Variants in SRPK3 observed in about 807,000 individuals in gnomAD.
The protein encoded by SRPK3 is SRSF protein kinase 3.
Under a neutral mutation model 45.3 loss-of-function variants are expected in SRPK3, and 26 were observed. The observed-to-expected ratio is 0.57, with a 90% CI of 0.42 to 0.80. The LOEUF is 0.80. Among genes scored for constraint, SRPK3 ranks in the 30% least tolerant of loss-of-function variants. The pLI is 0.00. For missense variants in SRPK3, 536 were observed against 514.5 expected (o/e 1.04, Z -0.40); for synonymous variants, 254 against 226.6 (o/e 1.12, Z -1.09).
At position 153,784,090 on chromosome X, in the gene SRPK3, C is replaced by T. The variant is rs781992647; in HGVS notation, c.1024C>T (p.Arg342Cys). 1.5e-5 allele frequency: 18 copies of T among 1,209,420 alleles called. No individual in the cohort carries two copies. The highest frequency in any genetic ancestry group is 1.8e-5 in the South Asian group (1 of 56,856). Residue 342 changes from arginine to cysteine, a missense_variant, in exon 10 of 15, where the codon CGT becomes TGT. Arg to Cys is a radical substitution (Grantham distance 180). Coordinates refer to ENST00000370101, the MANE Select transcript of SRPK3 (RefSeq NM_014370.4). ...TTCCTCCCCCGCCCCAGGGGGCGGCCGTAGCCTCAGCGCGGGCTCACAGAC... is the reference window on the plus strand; with the variant it reads ...TTCCTCCCCCGCCCCAGGGGGCGGCTGTAGCCTCAGCGCGGGCTCACAGAC... ...ASSSPAPGGG[R>C]SLSAGSQTSG...
intron 4 of SRPK3, 44 bp downstream of exon 4, chrX:153,781,874 C>G (rs1557067041): frequency 8.4e-7 from 1 of 1,183,808 alleles, no homozygotes; most frequent in African/African-American, 1.8e-5. Context: ...CTGGAGCTGC[C>G]TGGGGCCTGG....
In SRPK3 at chrX:153,782,926, G is replaced by A. The variant is rs782182661; in HGVS notation, c.583-27G>A. On this transcript the variant is annotated intron_variant, in intron 6 of 14. Transcript: ENST00000370101. Reference sequence around the variant, plus strand: ...CCCAGCCTGGCCTGGGCGGGAGTTGGAGGAGGTCAGGTGCGACTCTCTGCA... The same window carrying A: ...CCCAGCCTGGCCTGGGCGGGAGTTGAAGGAGGTCAGGTGCGACTCTCTGCA... 3.4e-6 allele frequency: 4 copies of A among 1,192,656 alleles called. No homozygotes were observed. The Admixed American group carries it at 6.7e-5, about 20-fold the overall frequency.
At chrX:153,784,642 G>A in intron 11 of SRPK3, 108 bp from the exon 12 acceptor site, 1 of 997,036 alleles carries the variant, frequency 1.0e-6, no homozygotes, top group Non-Finnish European at 1.4e-6. Context: ...GAGGCTCACA[G>A]CAAACCCCAC....
In SRPK3 at chrX:153,785,437, T is replaced by C. The variant is rs1238396823; in HGVS notation, c.1621T>C (p.Phe541Leu). ...PLEQATQFSA[F>L]LLPMMEYIPE... is the part of the protein sequence containing the mutation. ...AGAGCAGGCCACACAGTTCAGCGCCTTTCTGCTGCCCATGATGGAGTACAT... is the reference window on the plus strand; with the variant it reads ...AGAGCAGGCCACACAGTTCAGCGCCCTTCTGCTGCCCATGATGGAGTACAT... Residue 541 changes from phenylalanine to leucine, a missense_variant, in exon 15 of 15, where the codon TTT (phenylalanine) becomes CTT (leucine). By Grantham distance (22) the Phe-to-Leu change is conservative. Transcript: ENST00000370101. 1.7e-6 allele frequency: 2 copies of C among 1,210,241 alleles called. No individual in the cohort carries two copies. The highest frequency in any genetic ancestry group is 4.3e-5 in the Admixed American group (2 of 46,002).
Position 153,785,716 on chromosome X carries a change from A to G in SRPK3, c.*196A>G. Reference sequence around the variant, plus strand: ...AAAGTGTGTGTATTCCTTTCTTAATAAAGTGTGGACTGAACATCGGTGCCT... The same window carrying G: ...AAAGTGTGTGTATTCCTTTCTTAATGAAGTGTGGACTGAACATCGGTGCCT... On this transcript the variant is annotated 3_prime_UTR_variant, in exon 15 of 15. Transcript: ENST00000370101. 2 of 794,184 alleles carry G rather than the reference A, an allele frequency of 2.5e-6. No homozygotes were observed. The highest frequency in any genetic ancestry group is 3.7e-6 in the Non-Finnish European group (2 of 547,562). 65.4% of individuals were successfully genotyped at this position (794,184 alleles called of 1,213,427 possible).
Position 153,785,688 on chromosome X carries a change from G to A in SRPK3, c.*168G>A. 1.3e-6 allele frequency: 1 copy of A among 795,102 alleles called. No individual in the cohort carries two copies. Among genetic ancestry groups the A allele is most frequent in the Non-Finnish European group, 1.8e-6 (1 of 553,478 alleles). The allele number at this position is 795,102 out of a possible 1,213,427, so 65.5% of individuals were successfully genotyped here. On this transcript the variant is annotated 3_prime_UTR_variant, in exon 15 of 15. Coordinates refer to ENST00000370101, the MANE Select transcript of SRPK3 (RefSeq NM_014370.4). ...CCTGAGACCCCCGTGAGGGCTCTCG[G>A]AGAAAGTGTGTGTATTCCTTTCTTA...
In SRPK3 at chrX:153,785,322, T is replaced by C. The variant is rs781832433; in HGVS notation, c.1520-14T>C. On this transcript the variant is annotated splice_polypyrimidine_tract_variant and intron_variant, in intron 14 of 14. Coordinates refer to ENST00000370101, the MANE Select transcript of SRPK3 (RefSeq NM_014370.4). ...GACAGGGACAGAGCCTGACGCCCGC[T>C]GGCCTGCCCGCAGGAGAGCTGCGGC... 5.0e-5 allele frequency: 60 copies of C among 1,200,490 alleles called. No homozygotes were observed. Among genetic ancestry groups the C allele is most frequent in the Non-Finnish European group, 6.4e-5 (57 of 887,557 alleles).
chrX:153,781,252 C>T lies in SRPK3; in HGVS notation c.96C>T (p.Ser32=), dbSNP rs929063141. 6.6e-6 allele frequency: 8 copies of T among 1,209,273 alleles called. No homozygotes were observed. The highest frequency in any genetic ancestry group is 2.2e-5 in the Admixed American group (1 of 45,958). Reference sequence around the variant, plus strand: ...CCTGCGGGCCCGAGTCCTCGGGCTCCGAACTAGCCCTGGCCACACCGGTGC... The same window carrying T: ...CCTGCGGGCCCGAGTCCTCGGGCTCTGAACTAGCCCTGGCCACACCGGTGC... ...QASCGPESSG[S]ELALATPVPQ... is the part of the protein sequence containing the mutation. The change falls in exon 2 of 15, where the codon TCC becomes TCT. Residue 32 remains serine, a synonymous_variant. Transcript: ENST00000370101.
intron 3 of SRPK3, 44 bp from the exon 4 acceptor site, chrX:153,781,699 G>A: frequency 8.3e-7 from 1 of 1,206,354 alleles, no homozygotes; most frequent in Non-Finnish European, 1.1e-6. Context: ...TCCCCGCCGT[G>A]GGTCCTGCCA....
At chrX:153,784,429 C>A in intron 11 of SRPK3, 35 bp downstream of exon 11, 2 of 1,181,398 alleles carry the variant, frequency 1.7e-6, no homozygotes, top group Non-Finnish European at 2.3e-6. Context: ...AGTGGGGGGC[C>A]CTGCTCCAAG....
chrX:153,781,858 G>A (rs191989122), intron 4 of SRPK3, 28 bp downstream of exon 4: 1 of 1,204,074 alleles, frequency 8.3e-7, no homozygotes. Context: ...CCCACTCCCA[G>A]CTCCCCTGGA....
At chrX:153,781,403 G>C in intron 2 of SRPK3, 57 bp downstream of exon 2, 1 of 1,174,141 alleles carries the variant, frequency 8.5e-7, no homozygotes, top group Non-Finnish European at 1.1e-6. Context: ...ACCCAGGGCA[G>C]TCCTGGGCCC....
intron 5 of SRPK3, 32 bp from the exon 6 acceptor site, chrX:153,782,740 T>C: frequency 8.6e-7 from 1 of 1,166,807 alleles, no homozygotes; most frequent in Non-Finnish European, 1.2e-6. Context: ...CCGCAGCTGG[T>C]GTCCACTGGC....
Position 153,783,958 on chromosome X carries a change from C to T in SRPK3, c.908-16C>T, listed in dbSNP as rs1390962989. 5.9e-6 allele frequency: 7 copies of T among 1,195,712 alleles called. No homozygotes were observed. Among genetic ancestry groups the T allele is most frequent in the Non-Finnish European group, 6.8e-6 (6 of 887,565 alleles). ...AAGACATCTGCTCAGCAGCTGCCTC[C>T]ACCCCGTCTCCCCAGACTCTGGCTT... is the stretch of plus-strand genomic sequence containing the variant. On this transcript the variant is annotated splice_polypyrimidine_tract_variant and intron_variant, in intron 9 of 14. Transcript: ENST00000370101.
Position 153,784,927 on chromosome X carries a change from C to A in SRPK3, c.1357-7C>A, listed in dbSNP as rs371663832. ...CAGCCAGCAGCCTCACCTCCTCCCC[C>A]TTCCAGGCCTTCGAGCTGGCCACTG... On this transcript the variant is annotated splice_region_variant and splice_polypyrimidine_tract_variant and intron_variant, in intron 12 of 14. Coordinates refer to ENST00000370101, the MANE Select transcript of SRPK3 (RefSeq NM_014370.4). 2 of 1,210,518 alleles carry A rather than the reference C, an allele frequency of 1.7e-6. No homozygotes were observed.
chrX:153,785,484 C>T lies in SRPK3; in HGVS notation c.1668C>T (p.Ala556=), dbSNP rs201671965. The T allele has an allele frequency of 8.3e-6, 10 of 1,208,876 alleles. No homozygotes were observed. The East Asian group carries it at 8.9e-5, about 11-fold the overall frequency. The change falls in exon 15 of 15, where the codon GCC becomes GCT. Residue 556 remains alanine, a synonymous_variant. Transcript: ENST00000370101. ...ACATCCCCGAAAAGCGGGCCAGTGC[C>T]GCTGACTGCCTCCAGCACCCCTGGC... ...MEYIPEKRAS[A]ADCLQHPWLN... is the part of the protein sequence containing the mutation.
At chrX:153,782,566 A>G (rs1435406806) in intron 5 of SRPK3, among the ~76,000 whole-genome samples, 1 of 113,093 alleles carries the variant, frequency 8.8e-6, no homozygotes, top group Non-Finnish European at 1.9e-5. Flanking sequence ...ATGACCACAA[A>G]ATGCACCATC....
At chrX:153,783,909 G>A (rs1557067889) in intron 9 of SRPK3, 25 bp downstream of exon 9, 5 of 1,188,103 alleles carry the variant, frequency 4.2e-6, no homozygotes, top group Non-Finnish European at 4.5e-6. Context: ...AGGGTGATGG[G>A]CCGTGGAGCG....
chrX:153,785,271 G>A (rs2092079733), intron 14 of SRPK3, 65 bp from the exon 15 acceptor site: 1 of 1,184,259 alleles, frequency 8.4e-7, no homozygotes. Context: ...CCAGGAGCCA[G>A]GGCCTAAGCA....
Sources: allele counts gnomAD v4.1 joint callset (sites outside exome capture counted in the v4.1 genomes callset), GRCh38; gene constraint gnomAD v4.1.1; transcripts MANE v1.5; gene names NCBI Gene and HGNC (gene_info 2026-07-23, HGNC 2026-07-21).